CD109: variants seen among roughly 807,000 people sequenced by gnomAD.
The protein encoded by CD109 is CD109 antigen.
Under a neutral mutation model 165.8 loss-of-function variants are expected in CD109, and 149 were observed. The ratio of observed to expected loss-of-function variants is 0.90; its 90% CI spans 0.79 to 1.03. The LOEUF (loss-of-function observed/expected upper bound fraction) is 1.03. CD109 is among the 50% of genes least tolerant of loss of function. The probability of loss-of-function intolerance (pLI) is 0.00; values close to 1 mark genes in which losing one functional copy is unlikely to be tolerated. For synonymous variants in CD109, 585 were observed against 592.1 expected, an observed-to-expected ratio of 0.99 and a Z score of 0.18; for missense variants, 1,712 against 1,677.8, an observed-to-expected ratio of 1.02 and a Z score of -0.36.
rs1315955739 is a variant in CD109 at position 73,768,230 on chromosome 6, A to G, written c.1673A>G (p.Lys558Arg). 3 of 1,538,958 alleles carry G rather than the reference A, an allele frequency of 1.9e-6. No homozygotes were observed. Among genetic ancestry groups the G allele is most frequent in the Non-Finnish European group, 1.8e-6 (2 of 1,115,558 alleles). Residue 558 changes from lysine to arginine, a missense_variant and splice_region_variant, in exon 14 of 33, where the codon AAG becomes AGG. By Grantham distance (26) the Lys-to-Arg change is conservative (BLOSUM62 2). Transcript: ENST00000287097. ...KIPVQLVFKN[K>R]IKLYWSKVKA... is the part of the protein sequence containing the mutation. ...CCTGTTCAGCTTGTTTTTAAAAATAAGGTAAGATTTAAGGTAATGATGTTT... is the reference window on the plus strand; with the variant it reads ...CCTGTTCAGCTTGTTTTTAAAAATAGGGTAAGATTTAAGGTAATGATGTTT...
At chr6:73,754,948 C>G (rs1469861105) in intron 5 of CD109, among the ~76,000 whole-genome samples, 6 of 152,198 alleles carry the variant, frequency 3.9e-5, no homozygotes, top group South Asian at 2.1e-4. Flanking sequence ...TAGAGCCTCA[C>G]ATGGTGTTTT....
intron 3 of CD109, among the ~76,000 whole-genome samples, chr6:73,728,685 A>G (rs1397846565): frequency 1.3e-5 from 2 of 152,160 alleles, no homozygotes. Flanking sequence ...CATATTCTTA[A>G]CCACATTGAT....
intron 18 of CD109, 49 bp from the exon 19 acceptor site, chr6:73,783,658 G>A: frequency 1.9e-6 from 2 of 1,073,484 alleles, no homozygotes; most frequent in Non-Finnish European, 1.4e-6. Flanking sequence ...ATTTCAAAAT[G>A]TATCAGTTCT....
At chr6:73,820,432 C>T (rs1776069748) in intron 31 of CD109, 29 bp from the exon 32 acceptor site, 1 of 1,268,924 alleles carries the variant, frequency 7.9e-7, no homozygotes, top group African/African-American at 1.5e-5. Flanking sequence ...AGTGTGCCAA[C>T]CCCTTAAGAC....
chr6:73,684,506 C>A, the CD109 span, among the ~76,000 whole-genome samples: 4 of 151,576 alleles, frequency 2.6e-5, no homozygotes, highest in African/African-American at 9.7e-5. Context: ...TGGGTGTGAG[C>A]CACTGCACCT....
intron 15 of CD109, 114 bp from the exon 16 acceptor site, chr6:73,780,310 G>T: frequency 2.7e-6 from 2 of 750,282 alleles, no homozygotes; most frequent in Non-Finnish European, 2.4e-6. Context: ...TCCTCAATTT[G>T]TGTCATTTTC....
At chr6:73,721,907 G>A (rs1428170517) in intron 2 of CD109, among the ~76,000 whole-genome samples, 1 of 151,878 alleles carries the variant, frequency 6.6e-6, no homozygotes, top group Non-Finnish European at 1.5e-5. Flanking sequence ...GCTAATTTTT[G>A]TAGTTTTTAG....
chr6:73,777,260 C>T (rs1431956126), intron 15 of CD109, among the ~76,000 whole-genome samples: 1 of 146,724 alleles, frequency 6.8e-6, no homozygotes, highest in African/African-American at 2.6e-5. Flanking sequence ...GTGCCTGGCC[C>T]CTTTGCTGGC....
chr6:73,787,503 G>A lies in CD109; in HGVS notation c.2556+51G>A, dbSNP rs755616216. 7 of 1,427,202 alleles carry A rather than the reference G, an allele frequency of 4.9e-6. No individual in the cohort carries two copies. The Admixed American group carries it at 5.8e-5, about 12-fold the overall frequency. The allele number at this position is 1,427,202 out of a possible 1,614,324, so 88.4% of individuals were successfully genotyped here. On this transcript the variant is annotated intron_variant, in intron 21 of 32. Coordinates refer to ENST00000287097, the MANE Select transcript of CD109 (RefSeq NM_133493.5). ...TGAAATGGAAATACGTAATTAAAAA[G>A]GAAGCAGAAGGTTTTTTCTCTTGGT...
At chr6:73,717,608 ATTCT>A (rs1291618598) in intron 2 of CD109, among the ~76,000 whole-genome samples, 2 of 90,192 alleles carry the variant, frequency 2.2e-5, no homozygotes, top group Non-Finnish European at 2.3e-5. Context: ...AATTCTACTG[ATTCT>A]TTTTTTTTTT....
At chr6:73,775,392 T>A (rs773814731) in intron 15 of CD109, among the ~76,000 whole-genome samples, 9 of 152,186 alleles carry the variant, frequency 5.9e-5, no homozygotes, top group Non-Finnish European at 8.8e-5. Context: ...ATATCTCTCA[T>A]GTTGTAGATT....
At chr6:73,778,169 G>A (rs1774331745) in intron 15 of CD109, among the ~76,000 whole-genome samples, 1 of 152,160 alleles carries the variant, frequency 6.6e-6, no homozygotes. Context: ...TTCTGTGGCA[G>A]TTGTGAATGG....
At chr6:73,698,820 T>A (rs1562017132) in intron 2 of CD109, among the ~76,000 whole-genome samples, 1 of 152,184 alleles carries the variant, frequency 6.6e-6, no homozygotes, top group Non-Finnish European at 1.5e-5. Flanking sequence ...AGATCTGAGT[T>A]TGAATCCTGG....
chr6:73,743,625 G>A (rs577329193), intron 5 of CD109, among the ~76,000 whole-genome samples: 9 of 152,254 alleles, frequency 5.9e-5, no homozygotes, highest in East Asian at 1.9e-4. Flanking sequence ...CTCTGGAGCC[G>A]TTTTTCTTTT....
chr6:73,680,748 C>T, the CD109 span, among the ~76,000 whole-genome samples: 5 of 152,166 alleles, frequency 3.3e-5, no homozygotes, highest in African/African-American at 1.2e-4. Context: ...CTTAATTGTG[C>T]ACTTAGTGAT....
chr6:73,802,347 G>A (rs1311037147), intron 23 of CD109, among the ~76,000 whole-genome samples: 1 of 138,108 alleles, frequency 7.2e-6, no homozygotes, highest in African/African-American at 2.7e-5. Flanking sequence ...CATGGAATTG[G>A]TGGGTAGGCA....
At chr6:73,729,023 AAC>A (rs1332769057) in intron 3 of CD109, among the ~76,000 whole-genome samples, 4 of 152,218 alleles carry the variant, frequency 2.6e-5, no homozygotes, top group Non-Finnish European at 5.9e-5. Context: ...CATCAGGGCT[AAC>A]ACATTCTGTG....
rs1402158837 is a variant in CD109 at position 73,762,458 on chromosome 6, A to G, written c.833A>G (p.Lys278Arg). 1 of 1,605,562 alleles carries G rather than the reference A, an allele frequency of 6.2e-7. No homozygotes were observed. The highest frequency in any genetic ancestry group is 8.5e-7 in the Non-Finnish European group (1 of 1,172,774). Reference sequence around the variant, plus strand: ...CCTTTATCCTTTTGGGGAAAGAAGAAAAATATTACAAAAACATTTAAGGTA... The same window carrying G: ...CCTTTATCCTTTTGGGGAAAGAAGAGAAATATTACAAAAACATTTAAGGTA... ...FLPLSFWGKKKNITKTFKING... is the reference protein window; with the variant it reads ...FLPLSFWGKKRNITKTFKING... The change falls in exon 8 of 33, where the codon AAA becomes AGA. Residue 278 changes from lysine (K) to arginine (R), a missense_variant. Lys to Arg is a conservative substitution (Grantham distance 26). Transcript: ENST00000287097.
intron 3 of CD109, among the ~76,000 whole-genome samples, chr6:73,725,387 G>A (rs899754152): frequency 6.6e-6 from 1 of 152,078 alleles, no homozygotes; most frequent in Non-Finnish European, 1.5e-5. Context: ...CATACCGGAA[G>A]TGTAGAAAGG....
Sources: allele counts gnomAD v4.1 joint callset (sites outside exome capture counted in the v4.1 genomes callset), GRCh38; gene constraint gnomAD v4.1.1; transcripts MANE v1.5; gene names NCBI Gene and HGNC (gene_info 2026-07-23, HGNC 2026-07-21).